GABRB1: variants seen among roughly 807,000 people sequenced by gnomAD.
GABRB1 encodes gamma-aminobutyric acid receptor subunit beta-1.
A neutral mutation model predicts 51.6 loss-of-function variants in GABRB1; 17 were observed. The observed-to-expected ratio is 0.33, with a 90% confidence interval of 0.23 to 0.49. GABRB1 has a LOEUF of 0.49. Ranked by LOEUF, GABRB1 falls within the 20% of genes least tolerant of loss-of-function variation. The probability of loss-of-function intolerance (pLI) is 0.99; values close to 1 mark genes in which losing one functional copy is unlikely to be tolerated. For synonymous variants in GABRB1, 247 were observed against 218.9 expected, an observed-to-expected ratio of 1.13 and a Z score of -1.14; for missense variants, 410 against 600.6, an observed-to-expected ratio of 0.68 and a Z score of 3.32.
intron 4 of GABRB1, among the ~76,000 whole-genome samples, chr4:47,216,981 G>T (rs1720579628): frequency 6.6e-6 from 1 of 151,798 alleles, no homozygotes; most frequent in South Asian, 2.1e-4. Context: ...GGAAAAATAA[G>T]ATGTGATATA....
chr4:47,245,723 C>T (rs181746044), intron 4 of GABRB1, among the ~76,000 whole-genome samples: 26 of 152,078 alleles, frequency 1.7e-4, no homozygotes, highest in Admixed American at 5.2e-4. Flanking sequence ...GTTAGACCAT[C>T]TTACCAGAGT....
chr4:47,078,678 C>A (rs1020715778), intron 3 of GABRB1, among the ~76,000 whole-genome samples: 1 of 152,282 alleles, frequency 6.6e-6, no homozygotes, highest in South Asian at 2.1e-4. Flanking sequence ...CCTGAGGATA[C>A]CTTTTTCAGC....
At chr4:47,248,073 C>A (rs189802039) in intron 4 of GABRB1, among the ~76,000 whole-genome samples, 12 of 152,190 alleles carry the variant, frequency 7.9e-5, no homozygotes, top group African/African-American at 2.9e-4. Flanking sequence ...TGAGAGTGAA[C>A]ATCCTTGTCT....
chr4:47,315,357 T>C (rs775483212), intron 4 of GABRB1, among the ~76,000 whole-genome samples: 3 of 151,870 alleles, frequency 2.0e-5, no homozygotes, highest in Non-Finnish European at 4.4e-5. Flanking sequence ...TCAGAATGGC[T>C]ATTATTAGAA....
upstream of GABRB1, among the ~76,000 whole-genome samples, chr4:47,027,548 ATTT>A (rs201572913): frequency 6.6e-6 from 1 of 151,068 alleles, no homozygotes; most frequent in Non-Finnish European, 1.5e-5. Context: ...AAACACAAGA[ATTT>A]TTTTTTAAAG....
At chr4:47,377,946 G>A (rs1304181559) in intron 5 of GABRB1, among the ~76,000 whole-genome samples, 2 of 152,218 alleles carry the variant, frequency 1.3e-5, no homozygotes, top group Non-Finnish European at 2.9e-5. Flanking sequence ...GGTTCTCCAC[G>A]TCCCCACCAG....
At chr4:47,378,306 C>T (rs891612623) in intron 5 of GABRB1, among the ~76,000 whole-genome samples, 1 of 152,220 alleles carries the variant, frequency 6.6e-6, no homozygotes, top group Non-Finnish European at 1.5e-5. Flanking sequence ...TGCTAAGCCC[C>T]TCATTGCCTG....
At chr4:47,167,492 T>G (rs912470625) in intron 4 of GABRB1, among the ~76,000 whole-genome samples, 4 of 152,122 alleles carry the variant, frequency 2.6e-5, no homozygotes, top group African/African-American at 9.7e-5. Flanking sequence ...CAGTGATCCT[T>G]CCTTCTTCTT....
chr4:47,347,807 T>G lies in GABRB1; in HGVS notation c.544+27598T>G, dbSNP rs34429982. ...AAATGGTTCTAAATCAAGGTGACTG[T>G]GATAATAATGACAATGAAGATGATG... On this transcript the variant is annotated intron_variant, in intron 5 of 8. Coordinates refer to ENST00000295454, the MANE Select transcript of GABRB1 (RefSeq NM_000812.4). Among the ~76,000 whole-genome samples, 423 of 152,060 alleles carry G rather than the reference T, an allele frequency of 2.8e-3. 2 individuals are homozygous for G. The highest frequency in any genetic ancestry group is 9.7e-3 in the African/African-American group (402 of 41,472).
At chr4:47,220,218 T>A (rs778637075) in intron 4 of GABRB1, among the ~76,000 whole-genome samples, 14 of 151,976 alleles carry the variant, frequency 9.2e-5, no homozygotes, top group Non-Finnish European at 1.8e-4. Flanking sequence ...ATTTCAACAT[T>A]CTTAAACCAG....
rs531842916 is a variant in GABRB1 at position 47,217,306 on chromosome 4, A to G, written c.461+55837A>G. 1.1e-4 allele frequency among the ~76,000 whole-genome samples: 17 copies of G among 151,936 alleles called. No homozygotes were observed. The South Asian group carries it at 3.5e-3, about 31-fold the overall frequency. On this transcript the variant is annotated intron_variant, in intron 4 of 8. Transcript: ENST00000295454. ...ACATGCTTGTTATATTATTCTCTGT[A>G]CTTTTTCATGTCTGATACATGTAAC...
chr4:47,054,308 A>G (rs1484557289), intron 3 of GABRB1, among the ~76,000 whole-genome samples: 2 of 152,210 alleles, frequency 1.3e-5, no homozygotes, highest in Non-Finnish European at 2.9e-5. Flanking sequence ...CAGTGGAAAG[A>G]GCCCTCAACC....
intron 4 of GABRB1, among the ~76,000 whole-genome samples, chr4:47,243,646 G>A (rs1471431838): frequency 6.6e-6 from 1 of 152,132 alleles, no homozygotes; most frequent in Non-Finnish European, 1.5e-5. Flanking sequence ...TCTCTTTGAA[G>A]CAGTTGTGAA....
At chr4:47,278,042 C>T (rs1373271783) in intron 4 of GABRB1, among the ~76,000 whole-genome samples, 3 of 152,080 alleles carry the variant, frequency 2.0e-5, no homozygotes, top group Non-Finnish European at 4.4e-5. Context: ...GCTTTTACCA[C>T]CTTATATTTG....
At chr4:47,181,849 T>C (rs1468666335) in intron 4 of GABRB1, among the ~76,000 whole-genome samples, 2 of 152,064 alleles carry the variant, frequency 1.3e-5, no homozygotes, top group African/African-American at 2.4e-5. Context: ...CATCATGGGT[T>C]GTAATCACCT....
intron 4 of GABRB1, among the ~76,000 whole-genome samples, chr4:47,278,534 T>C (rs961990141): frequency 7.9e-5 from 12 of 152,156 alleles, no homozygotes; most frequent in African/African-American, 2.9e-4. Flanking sequence ...ATTTATTTCA[T>C]AGTGCATGCA....
chr4:47,035,701 A>T (rs1725524308), intron 3 of GABRB1, among the ~76,000 whole-genome samples: 1 of 152,160 alleles, frequency 6.6e-6, no homozygotes, highest in African/African-American at 2.4e-5. Flanking sequence ...AACAGGAGGC[A>T]GTTGGAGTAA....
intron 3 of GABRB1, among the ~76,000 whole-genome samples, chr4:47,041,805 T>G (rs1234605387): frequency 6.6e-6 from 1 of 152,114 alleles, no homozygotes; most frequent in Non-Finnish European, 1.5e-5. Context: ...ATCCCACCTG[T>G]GTCTAGAACA....
chr4:47,134,682 G>T (rs1716563647), intron 3 of GABRB1, among the ~76,000 whole-genome samples: 1 of 152,162 alleles, frequency 6.6e-6, no homozygotes, highest in Non-Finnish European at 1.5e-5. Context: ...TTTGATTTTA[G>T]TCTTGAAGTA....
Sources: allele counts gnomAD v4.1 joint callset (sites outside exome capture counted in the v4.1 genomes callset), GRCh38; gene constraint gnomAD v4.1.1; transcripts MANE v1.5; gene names NCBI Gene and HGNC (gene_info 2026-07-23, HGNC 2026-07-21).